CACNA1G: variants seen among roughly 807,000 people sequenced by gnomAD.
The protein encoded by CACNA1G is voltage-dependent T-type calcium channel subunit alpha-1G.
In CACNA1G, 67 loss-of-function variants were observed where a neutral mutation model predicts 219.4. That is an observed-to-expected ratio of 0.31 (90% CI 0.25 to 0.37). The LOEUF is 0.37. CACNA1G is among the 10% of genes least tolerant of loss of function. The pLI is 1.00. For missense variants in CACNA1G, 2,380 were observed against 3,231.4 expected, an observed-to-expected ratio of 0.74 and a Z score of 6.39; for synonymous variants, 1,296 against 1,345.3, an observed-to-expected ratio of 0.96 and a Z score of 0.80.
Position 50,621,611 on chromosome 17 carries a change from T to G in CACNA1G, c.5926-49T>G. ...GCGCGTGTGTGCGTGTGCACGCGCG[T>G]GTGCGCTGTCCTGGTTTCTCATGCC... On this transcript the variant is annotated intron_variant, in intron 34 of 37. Coordinates refer to ENST00000359106, the MANE Select transcript of CACNA1G (RefSeq NM_018896.5). The surrounding 1 kb of genome is among the most constrained non-coding windows in gnomAD (Gnocchi z 4.6). The G allele has an allele frequency of 6.2e-7, 1 of 1,602,772 alleles. No individual in the cohort carries two copies. The highest frequency in any genetic ancestry group is 8.5e-7 in the Non-Finnish European group (1 of 1,172,124).
At chr17:50,623,236 C>G (rs1054555741) in intron 35 of CACNA1G, among the ~76,000 whole-genome samples, 4 of 141,934 alleles carry the variant, frequency 2.8e-5, no homozygotes, top group African/African-American at 1.1e-4. Context: ...GCTGGGATTA[C>G]AGGTGCCACG....
rs1215330896 is a variant in CACNA1G, at chr17:50,591,474, G to A, written c.2493G>A (p.Ser831=). 1.2e-5 allele frequency: 19 copies of A among 1,599,012 alleles called. No homozygotes were observed. Among genetic ancestry groups the A allele is most frequent in the East Asian group, 2.2e-5 (1 of 44,526 alleles). Residue 831 remains serine, a synonymous_variant, in exon 11 of 38, where the codon TCG becomes TCA. Transcript: ENST00000359106. ...TGGGCCAGCAGGGGGGCGGCCTGTC[G>A]GTGCTGCGGACCTTCCGCCTGATGC... ...EIVGQQGGGL[S]VLRTFRLMRV...
Position 50,627,348 on chromosome 17 carries a change from GAAAAA to G in CACNA1G, c.*603_*607del. The stretch of plus-strand genomic sequence containing the variant: ...TAACCTCGTCATCATTTTCTGTAGG[GAAAAA>G]AAAAAGAAAAAGAAAAAATGAGATT... On this transcript the variant is annotated 3_prime_UTR_variant, in exon 38 of 38. Transcript: ENST00000359106. 3.0e-6 allele frequency: 1 copy of G among 329,046 alleles called. No individual in the cohort carries two copies. The highest frequency in any genetic ancestry group is 6.0e-6 in the Non-Finnish European group (1 of 167,800). 20.4% of individuals were successfully genotyped at this position (329,046 alleles called of 1,614,324 possible).
rs2044057511 is a variant in CACNA1G, at chr17:50,590,474, G to A, written c.2305G>A (p.Glu769Lys). 1.9e-6 allele frequency: 3 copies of A among 1,613,662 alleles called. No homozygotes were observed. The highest frequency in any genetic ancestry group is 1.3e-5 in the African/African-American group (1 of 74,902). ...CACATCCCACCCTGCCCTGCAGCCCGAGGAGCTTACCAACGCCCTAGAAAT... is the reference window on the plus strand; with the variant it reads ...CACATCCCACCCTGCCCTGCAGCCCAAGGAGCTTACCAACGCCCTAGAAAT... ...SMGIEYHEQP[E>K]ELTNALEISN... The change falls in exon 10 of 38, where the codon GAG (glutamate) becomes AAG (lysine). Residue 769 changes from glutamate (E) to lysine (K), a missense_variant. Glu to Lys is a moderately conservative substitution (Grantham distance 56). Around this residue, in one of 17 missense-constraint regions of CACNA1G, gnomAD observed 82 missense variants for 140.7 expected, o/e 0.58. Transcript: ENST00000359106.
Position 50,596,608 on chromosome 17 carries a change from G to A in CACNA1G, c.3026G>A (p.Ser1009Asn). ...TCAGAGCCCGATTTCTTCTCACCCA[G>A]CCTGGATGGTGATGGGGACAGGAAG... Reference protein sequence around the residue: ...SESEPDFFSPSLDGDGDRKKC... With the variant: ...SESEPDFFSPNLDGDGDRKKC... Residue 1009 changes from serine (S) to asparagine (N), a missense_variant, in exon 15 of 38, where the codon AGC (serine) becomes AAC (asparagine). By Grantham distance (46) the Ser-to-Asn change is conservative. Around this residue, in one of 17 missense-constraint regions of CACNA1G, gnomAD observed 418 missense variants for 434.3 expected, o/e 0.96. Transcript: ENST00000359106. The surrounding 1 kb of genome is among the most constrained non-coding windows in gnomAD (Gnocchi z 4.8). The A allele has an allele frequency of 6.2e-7, 1 of 1,613,964 alleles. No homozygotes were observed. Among genetic ancestry groups the A allele is most frequent in the Non-Finnish European group, 8.5e-7 (1 of 1,179,866 alleles).
At position 50,626,769 on chromosome 17, in the gene CACNA1G, C is replaced by T; in HGVS notation, c.*18C>T. The T allele has an allele frequency of 6.2e-7, 1 of 1,612,996 alleles. No individual in the cohort carries two copies. The highest frequency in any genetic ancestry group is 8.5e-7 in the Non-Finnish European group (1 of 1,179,890). ...ACCCCTGAGTCCTGCCCCACTTTCC[C>T]ACTCACCTTTCTCCACTGGGTGCCA... On this transcript the variant is annotated 3_prime_UTR_variant, in exon 38 of 38. Transcript: ENST00000359106. The surrounding 1 kb of genome is among the most constrained non-coding windows in gnomAD (Gnocchi z 4.3).
Position 50,591,789 on chromosome 17 carries a change from G to T in CACNA1G, c.2690G>T (p.Gly897Val). The change falls in exon 12 of 38, where the codon GGG becomes GTG. Residue 897 changes from glycine to valine, a missense_variant. Gly to Val is a moderately radical substitution (Grantham distance 109). This residue lies in a region of CACNA1G where 43 missense variants were observed against 139.4 expected (regional missense o/e 0.31). Transcript: ENST00000359106. ...FGCKFASERD[G>V]DTLPDRKNFD... ...TGCAAGTTTGCCTCTGAGCGGGATG[G>T]GGACACCCTGCCAGACCGGAAGAAT... The T allele has an allele frequency of 6.2e-7, 1 of 1,613,972 alleles. No homozygotes were observed. Among genetic ancestry groups the T allele is most frequent in the Non-Finnish European group, 8.5e-7 (1 of 1,179,874 alleles).
At chr17:50,590,324 T>G (rs181186622) in intron 9 of CACNA1G, 147 bp from the exon 10 acceptor site, 5 of 859,138 alleles carry the variant, frequency 5.8e-6, no homozygotes, top group Admixed American at 2.6e-5. Flanking sequence ...TGGGGCAGGG[T>G]CCTCCCCATG....
rs1438453522 is a variant in CACNA1G at position 50,621,493 on chromosome 17, G to C, written c.5926-167G>C. 2.0e-5 allele frequency among the ~76,000 whole-genome samples: 3 copies of C among 152,184 alleles called. No individual in the cohort carries two copies. The highest frequency in any genetic ancestry group is 7.2e-5 in the African/African-American group (3 of 41,452). ...AAGTGGGTGCGGGGAGGCACTGTCA[G>C]CTTGTTTGGGGAAAGGGTGGGGAGA... On this transcript the variant is annotated intron_variant, in intron 34 of 37. Coordinates refer to ENST00000359106, the MANE Select transcript of CACNA1G (RefSeq NM_018896.5). This position sits in a 1 kb window ranked among gnomAD's most constrained non-coding sequence, Gnocchi z 4.6.
intron 16 of CACNA1G, among the ~76,000 whole-genome samples, chr17:50,598,342 T>C (rs1014836953): frequency 6.6e-6 from 1 of 152,248 alleles, no homozygotes; most frequent in Non-Finnish European, 1.5e-5. Context: ...ATTTTCTTTA[T>C]CCAGTCATCC....
intron 24 of CACNA1G, 184 bp downstream of exon 24, chr17:50,607,173 T>A (rs2048136248): frequency 1.5e-6 from 1 of 663,296 alleles, no homozygotes; most frequent in East Asian, 2.8e-5. Flanking sequence ...CTACAACATG[T>A]TTAACATGTT....
rs1347966670 is a variant in CACNA1G at position 50,603,629 on chromosome 17, C to G, written c.4169+430C>G. Among the ~76,000 whole-genome samples, 4 of 152,028 alleles carry G rather than the reference C, an allele frequency of 2.6e-5. No homozygotes were observed. The highest frequency in any genetic ancestry group is 5.9e-5 in the Non-Finnish European group (4 of 68,004). On this transcript the variant is annotated intron_variant, in intron 21 of 37. Transcript: ENST00000359106. This position sits in a 1 kb window ranked among gnomAD's most constrained non-coding sequence, Gnocchi z 6.4. ...CCATCTTCAGGCGCCTGCCAGTGAC[C>G]ACCCCCCGGTGACATTTCTCCTGAC...
In CACNA1G at chr17:50,578,432, C is replaced by T; in HGVS notation, c.2169C>T (p.Ser723=). The part of the protein sequence containing the change: ...QRSLGPDAEP[S]SVLAFWRLIC... The stretch of plus-strand genomic sequence containing the variant: ...GCCTGGGCCCAGATGCAGAGCCCAG[C>T]TCTGTGCTGGCCTTCTGGAGGCTAA... The change falls in exon 9 of 38, where the codon AGC becomes AGT. Residue 723 remains serine, a synonymous_variant. Coordinates refer to ENST00000359106, the MANE Select transcript of CACNA1G (RefSeq NM_018896.5). This position sits in a 1 kb window ranked among gnomAD's most constrained non-coding sequence, Gnocchi z 4.5. 2 of 1,611,386 alleles carry T rather than the reference C, an allele frequency of 1.2e-6. No homozygotes were observed. Among genetic ancestry groups the T allele is most frequent in the Non-Finnish European group, 1.7e-6 (2 of 1,178,538 alleles).
At chr17:50,608,117 C>T (rs1012691561) in intron 25 of CACNA1G, 98 bp downstream of exon 25, 10 of 1,141,248 alleles carry the variant, frequency 8.8e-6, no homozygotes, top group Non-Finnish European at 1.0e-5. Context: ...GCGCTGGGGC[C>T]GGGGGCAGGG....
In CACNA1G at chr17:50,626,942, T is replaced by C. The variant is rs1362666833; in HGVS notation, c.*191T>C. ...AGTTAAAAGCAGCAGCCCCGGCAAC[T>C]CTGGCTCCAGGCAGAAGGAGAGGCC... On this transcript the variant is annotated 3_prime_UTR_variant, in exon 38 of 38. Coordinates refer to ENST00000359106, the MANE Select transcript of CACNA1G (RefSeq NM_018896.5). This position sits in a 1 kb window ranked among gnomAD's most constrained non-coding sequence, Gnocchi z 4.3. The C allele has an allele frequency of 1.3e-6, 1 of 763,062 alleles. No individual in the cohort carries two copies. Among genetic ancestry groups the C allele is most frequent in the Non-Finnish European group, 2.3e-6 (1 of 438,988 alleles). 47.3% of individuals were successfully genotyped at this position (763,062 alleles called of 1,614,324 possible).
chr17:50,587,648 A>C (rs1279392480), intron 9 of CACNA1G, among the ~76,000 whole-genome samples: 1 of 152,232 alleles, frequency 6.6e-6, no homozygotes. Context: ...GGGAGACTAG[A>C]GAGAGCAAGG....
intron 7 of CACNA1G, 31 bp downstream of exon 7, chr17:50,573,144 G>C: frequency 6.8e-7 from 1 of 1,469,742 alleles, no homozygotes; most frequent in Non-Finnish European, 9.3e-7. Flanking sequence ...CCGTGGGGAT[G>C]GGCGATCCTG....
intron 1 of CACNA1G, among the ~76,000 whole-genome samples, chr17:50,564,132 G>A (rs2036946159): frequency 6.9e-6 from 1 of 144,348 alleles, no homozygotes; most frequent in South Asian, 2.2e-4. Context: ...GGAAGTGTGT[G>A]TGTGTGTGTG....
Position 50,600,677 on chromosome 17 carries a change from G to A in CACNA1G, c.3691-49G>A. 6.6e-7 allele frequency: 1 copy of A among 1,522,296 alleles called. No individual in the cohort carries two copies. Among genetic ancestry groups the A allele is most frequent in the Non-Finnish European group, 9.1e-7 (1 of 1,097,372 alleles). 94.3% of individuals were successfully genotyped at this position (1,522,296 alleles called of 1,614,324 possible). A position where few individuals can be genotyped will look rare whatever the true frequency, so the allele number is the denominator to read the frequency against. ...GACTCTGCTGAGGAGCCAGGAGCCG[G>A]GGAACCTGGAGGCCTGGTCCTGCTC... On this transcript the variant is annotated intron_variant, in intron 17 of 37. Transcript: ENST00000359106. The surrounding 1 kb of genome is among the most constrained non-coding windows in gnomAD (Gnocchi z 4.1).
Sources: gnomAD v4.1 joint callset for allele counts (sites outside exome capture counted in the v4.1 genomes callset) on GRCh38, gnomAD v4.1.1 for gene constraint, gnomAD v4.1.1 regional missense constraint, Gnocchi (gnomAD v3.1) non-coding constraint, MANE v1.5 for transcripts, NCBI Gene and HGNC (gene_info 2026-07-23, HGNC 2026-07-21) for gene names.